Variants in RASAL2 observed in about 807,000 individuals in gnomAD.
The protein encoded by RASAL2 is ras GTPase-activating protein nGAP.
In RASAL2, 58 loss-of-function variants were observed where a neutral mutation model predicts 128.9. That is an observed-to-expected ratio of 0.45 (90% confidence interval 0.36 to 0.56). RASAL2 has a LOEUF of 0.56. RASAL2 is among the 20% of genes least tolerant of loss of function. The pLI, the probability that RASAL2 is intolerant of heterozygous loss-of-function variation, is 0.00. For synonymous variants in RASAL2, 561 were observed against 580.8 expected (o/e 0.97, Z 0.49); for missense variants, 1,360 against 1,601.6 (o/e 0.85, Z 2.57).
At position 178,476,428 on chromosome 1, in the gene RASAL2, A is replaced by T. The variant is rs1025724348; in HGVS notation, c.*3189A>T. The T allele has an allele frequency of 6.6e-6, 1 of 152,228 alleles. No homozygotes were observed. Among genetic ancestry groups the T allele is most frequent in the Admixed American group, 6.5e-5 (1 of 15,288 alleles). 9.4% of individuals were successfully genotyped at this position (152,228 alleles called of 1,614,324 possible). A position where few individuals can be genotyped will look rare whatever the true frequency, so the allele number is the denominator to read the frequency against. On this transcript the variant is annotated 3_prime_UTR_variant, in exon 18 of 18. Transcript: ENST00000367649. ...GTCAGAGGGGAGATTATAACTAGGT[A>T]ACTATAACAAGCACTTGAGCACTTA...
rs150200574 is a variant in RASAL2, at chr1:178,395,476, A to G, written c.564+5270A>G. ...TAGTTGCCCTTCTGTGTTTGCCACA[A>G]TCAGTTCAGATGACCAATGTAAATT... On this transcript the variant is annotated intron_variant, in intron 4 of 17. Transcript: ENST00000367649. Among the ~76,000 whole-genome samples the G allele has an allele frequency of 1.2e-3, 188 of 152,228 alleles. 1 individual carries two copies. Among genetic ancestry groups the G allele is most frequent in the African/African-American group, 3.8e-3 (157 of 41,526 alleles).
intron 15 of RASAL2, among the ~76,000 whole-genome samples, 179 bp from the exon 16 acceptor site, chr1:178,465,741 A>G (rs1422815353): frequency 6.6e-6 from 1 of 152,122 alleles, no homozygotes; most frequent in African/African-American, 2.4e-5. Flanking sequence ...GAATATTAAG[A>G]ACAGTATAGG....
At chr1:178,217,468 T>G (rs376716362) in intron 1 of RASAL2, among the ~76,000 whole-genome samples, 1 of 152,148 alleles carries the variant, frequency 6.6e-6, no homozygotes, top group Non-Finnish European at 1.5e-5. Flanking sequence ...ATAATTCCAT[T>G]AAGGTTCACT....
chr1:178,434,847 A>G (rs1366068400), intron 5 of RASAL2, among the ~76,000 whole-genome samples: 1 of 152,092 alleles, frequency 6.6e-6, no homozygotes, highest in Non-Finnish European at 1.5e-5. Context: ...AGATTTTCAC[A>G]AAATACCTAA....
At chr1:178,215,163 A>T (rs1014743450) in intron 1 of RASAL2, among the ~76,000 whole-genome samples, 4 of 152,230 alleles carry the variant, frequency 2.6e-5, no homozygotes, top group Non-Finnish European at 5.9e-5. Context: ...CAAGTGTGGC[A>T]GAGATGGATT....
At chr1:178,338,199 G>A (rs1275886506) in intron 3 of RASAL2, among the ~76,000 whole-genome samples, 2 of 150,864 alleles carry the variant, frequency 1.3e-5, no homozygotes, top group African/African-American at 2.4e-5. Context: ...GCATGATCTC[G>A]GCTCACTGCA....
intron 1 of RASAL2, among the ~76,000 whole-genome samples, chr1:178,259,983 A>ACAAAT: frequency 6.6e-6 from 1 of 152,158 alleles, no homozygotes; most frequent in Non-Finnish European, 1.5e-5. Context: ...CTTTTATTTT[A>ACAAAT]GACCTAATGA....
intron 1 of RASAL2, among the ~76,000 whole-genome samples, chr1:178,160,031 A>G (rs571694964): frequency 2.0e-5 from 3 of 151,738 alleles, no homozygotes; most frequent in African/African-American, 7.3e-5. Context: ...TTTTTTTTTT[A>G]AGGAAATAAC....
intron 1 of RASAL2, among the ~76,000 whole-genome samples, chr1:178,247,938 T>C (rs1664851192): frequency 6.6e-6 from 1 of 152,174 alleles, no homozygotes; most frequent in Admixed American, 6.5e-5. Flanking sequence ...GAGAGGCTGT[T>C]TGTTATGATT....
At chr1:178,436,778 A>G (rs149938328) in intron 5 of RASAL2, among the ~76,000 whole-genome samples, 1,854 of 152,108 alleles carry the variant, frequency 0.012, 37 homozygotes, top group African/African-American at 0.043. Context: ...GAGTTTTACC[A>G]TGTTGCCCAG....
At chr1:178,357,906 A>G (rs1670894720) in intron 3 of RASAL2, among the ~76,000 whole-genome samples, 1 of 152,110 alleles carries the variant, frequency 6.6e-6, no homozygotes, top group Non-Finnish European at 1.5e-5. Context: ...TGGGGTTGGT[A>G]TTCAAGTTCA....
At chr1:178,457,382 A>G (rs924843001) in intron 13 of RASAL2, among the ~76,000 whole-genome samples, 9 of 152,224 alleles carry the variant, frequency 5.9e-5, no homozygotes, top group African/African-American at 2.2e-4. Context: ...GTAAGTATGA[A>G]TTGGAATATT....
At chr1:178,193,464 C>T (rs1434233503) in intron 1 of RASAL2, among the ~76,000 whole-genome samples, 1 of 152,064 alleles carries the variant, frequency 6.6e-6, no homozygotes, top group African/African-American at 2.4e-5. Context: ...AAAATTAAAT[C>T]AGCACTTTTG....
chr1:178,159,250 T>C (rs947970383), intron 1 of RASAL2, among the ~76,000 whole-genome samples: 14 of 152,252 alleles, frequency 9.2e-5, no homozygotes, highest in Non-Finnish European at 1.9e-4. Flanking sequence ...GTTAGTCTTT[T>C]TTAGTTAGCA....
chr1:178,228,288 A>C (rs966202533), intron 1 of RASAL2, among the ~76,000 whole-genome samples: 15 of 152,080 alleles, frequency 9.9e-5, no homozygotes, highest in African/African-American at 3.6e-4. Context: ...GCTTATGGTA[A>C]AAAAAATTGT....
intron 1 of RASAL2, among the ~76,000 whole-genome samples, chr1:178,145,298 G>C (rs947581089): frequency 6.6e-6 from 1 of 152,010 alleles, no homozygotes; most frequent in Non-Finnish European, 1.5e-5. Flanking sequence ...TAGAAAAGAG[G>C]ATTTTTTTTG....
intron 1 of RASAL2, among the ~76,000 whole-genome samples, chr1:178,171,829 G>A (rs1661715529): frequency 6.6e-6 from 1 of 151,826 alleles, no homozygotes; most frequent in Admixed American, 6.6e-5. Flanking sequence ...CTACAAATTT[G>A]CCTTCTTACT....
intron 1 of RASAL2, among the ~76,000 whole-genome samples, chr1:178,141,775 T>C (rs1176170397): frequency 2.6e-5 from 4 of 152,206 alleles, no homozygotes; most frequent in Admixed American, 2.6e-4. Flanking sequence ...TGAAGAACGA[T>C]GTGTTGTTTT....
intron 2 of RASAL2, 124 bp from the exon 3 acceptor site, chr1:178,299,868 A>G (rs1201444052): frequency 5.0e-5 from 48 of 955,232 alleles, no homozygotes; most frequent in Non-Finnish European, 6.6e-5. Flanking sequence ...CTTTATTTCT[A>G]TATTTCTCCT....
Sources: gnomAD v4.1 joint callset for allele counts (sites outside exome capture counted in the v4.1 genomes callset) on GRCh38, gnomAD v4.1.1 for gene constraint, MANE v1.5 for transcripts, NCBI Gene and HGNC (gene_info 2026-07-23, HGNC 2026-07-21) for gene names.